Variants in ITGB3 observed in about 807,000 individuals in gnomAD.
The protein encoded by ITGB3 is integrin beta-3.
A neutral mutation model predicts 85.8 loss-of-function variants in ITGB3; 48 were observed. The observed-to-expected ratio is 0.56, with a 90% CI of 0.44 to 0.71. The LOEUF (loss-of-function observed/expected upper bound fraction) is 0.71, where lower values mean the gene tolerates loss of function less well. Ranked by LOEUF, ITGB3 falls within the 30% of genes least tolerant of loss-of-function variation. The probability of loss-of-function intolerance (pLI) is 0.00; values close to 1 mark genes in which losing one functional copy is unlikely to be tolerated. For missense variants in ITGB3, 861 were observed against 1,019.1 expected (o/e 0.84, Z 2.11); for synonymous variants, 363 against 395.6 (o/e 0.92, Z 0.98).
chr17:47,310,373 G>GGGGTCTGTGTGTTTATGTGT lies in ITGB3; in HGVS notation c.*171_*190dup. 1 of 703,070 alleles carries GGGGTCTGTGTGTTTATGTGT rather than the reference G, an allele frequency of 1.4e-6. No individual in the cohort carries two copies. Among genetic ancestry groups the GGGGTCTGTGTGTTTATGTGT allele is most frequent in the Non-Finnish European group, 2.6e-6 (1 of 387,470 alleles). 43.6% of individuals were successfully genotyped at this position (703,070 alleles called of 1,614,324 possible). On this transcript the variant is annotated 3_prime_UTR_variant, in exon 15 of 15. Coordinates refer to ENST00000559488, the MANE Select transcript of ITGB3 (RefSeq NM_000212.3). ...GTGTGGGTCTGTGTGTGTGTATGTG[G>GGGGTCTGTGTGTTTATGTGT]GGGTCTGTGTGTTTATGTGTGTGTG...
At chr17:47,254,837 T>C (rs1401503050) in intron 1 of ITGB3, among the ~76,000 whole-genome samples, 1 of 152,226 alleles carries the variant, frequency 6.6e-6, no homozygotes, top group Non-Finnish European at 1.5e-5. Flanking sequence ...AGAGAAACCC[T>C]GGCTCCTGGT....
chr17:47,295,441 T>G (rs188019005), intron 10 of ITGB3, among the ~76,000 whole-genome samples: 1 of 152,240 alleles, frequency 6.6e-6, no homozygotes, highest in East Asian at 1.9e-4. Flanking sequence ...ACTTTACTCC[T>G]CTGACTTTCC....
chr17:47,303,623 T>C (rs1598700722), intron 13 of ITGB3: 1 of 152,324 alleles, frequency 6.6e-6, no homozygotes, highest in African/African-American at 2.4e-5. Context: ...AGGGATAGGT[T>C]TGAGGCACTA....
At chr17:47,266,468 T>G (rs1399161150) in intron 1 of ITGB3, among the ~76,000 whole-genome samples, 3 of 152,198 alleles carry the variant, frequency 2.0e-5, no homozygotes. Flanking sequence ...TTTCCCACCC[T>G]TTGTCTCTCT....
intron 1 of ITGB3, among the ~76,000 whole-genome samples, chr17:47,270,508 T>C (rs541411520): frequency 3.9e-5 from 6 of 152,334 alleles, no homozygotes; most frequent in African/African-American, 1.4e-4. Flanking sequence ...TTGGGTTGCA[T>C]TGTTCGTTGT....
chr17:47,257,146 T>G (rs1371663338), intron 1 of ITGB3, among the ~76,000 whole-genome samples: 4 of 152,268 alleles, frequency 2.6e-5, no homozygotes, highest in Non-Finnish European at 5.9e-5. Context: ...TTGTCATTAT[T>G]CTTCCTATCC....
At chr17:47,273,077 A>G (rs60203207) in intron 1 of ITGB3, among the ~76,000 whole-genome samples, 506 of 152,226 alleles carry the variant, frequency 3.3e-3, no homozygotes, top group African/African-American at 0.012. Context: ...GCCTGGCCAT[A>G]ATTTTTCTTT....
intron 2 of ITGB3, chr17:47,280,126 C>T (rs917103079): frequency 6.6e-6 from 1 of 152,208 alleles, no homozygotes. Context: ...TTTCCATCGC[C>T]GAGGCTGGTT....
intron 1 of ITGB3, among the ~76,000 whole-genome samples, chr17:47,262,900 A>G (rs16941768): frequency 0.039 from 5,872 of 152,284 alleles, 195 homozygotes; most frequent in Admixed American, 0.098. Flanking sequence ...TATGTCATTT[A>G]ATCCTAACAA....
rs370002541 is a variant in ITGB3, at chr17:47,310,246, G to A, written c.*42G>A. On this transcript the variant is annotated 3_prime_UTR_variant, in exon 15 of 15. Coordinates refer to ENST00000559488, the MANE Select transcript of ITGB3 (RefSeq NM_000212.3). Reference sequence around the variant, plus strand: ...TCAGATCATTATCAGCCTGTGCCACGATTGCAGGAGTCCCTGCCATCATGT... The same window carrying A: ...TCAGATCATTATCAGCCTGTGCCACAATTGCAGGAGTCCCTGCCATCATGT... 4 of 1,552,536 alleles carry A rather than the reference G, an allele frequency of 2.6e-6. No homozygotes were observed. The highest frequency in any genetic ancestry group is 2.2e-5 in the East Asian group (1 of 44,596).
At chr17:47,298,871 C>T (rs955615318) in intron 10 of ITGB3, among the ~76,000 whole-genome samples, 7 of 152,208 alleles carry the variant, frequency 4.6e-5, no homozygotes, top group African/African-American at 1.7e-4. Flanking sequence ...GTCAAGGCTA[C>T]TGAGTGCCCT....
chr17:47,302,775 T>A lies in ITGB3; in HGVS notation c.2069T>A (p.Val690Asp). 1 of 1,614,078 alleles carries A rather than the reference T, an allele frequency of 6.2e-7. No individual in the cohort carries two copies. Among genetic ancestry groups the A allele is most frequent in the Non-Finnish European group, 8.5e-7 (1 of 1,179,912 alleles). The change falls in exon 13 of 15, where the codon GTC becomes GAC. Residue 690 changes from valine to aspartate, a missense_variant. Val to Asp is a radical substitution (Grantham distance 152). Coordinates refer to ENST00000559488, the MANE Select transcript of ITGB3 (RefSeq NM_000212.3). ...ACCTATAAGAATGAGGATGACTGTG[T>A]CGTCAGATTCCAGTACTATGAAGAT... ...NCTYKNEDDC[V>D]VRFQYYEDSS... is the part of the protein sequence containing the mutation.
intron 8 of ITGB3, among the ~76,000 whole-genome samples, chr17:47,290,657 C>T (rs1452496750): frequency 1.3e-5 from 2 of 152,068 alleles, no homozygotes; most frequent in Non-Finnish European, 2.9e-5. Context: ...TCCAAGGTGA[C>T]CAGTATTGGC....
Position 47,310,916 on chromosome 17 carries a change from C to T in ITGB3, c.*712C>T, listed in dbSNP as rs1038291776. The T allele has an allele frequency of 1.3e-5, 2 of 157,134 alleles. No individual in the cohort carries two copies. The highest frequency in any genetic ancestry group is 4.8e-5 in the African/African-American group (2 of 41,476). The allele number at this position is 157,134 out of a possible 1,614,324, so 9.7% of individuals were successfully genotyped here. A position where few individuals can be genotyped will look rare whatever the true frequency, so the allele number is the denominator to read the frequency against. On this transcript the variant is annotated 3_prime_UTR_variant, in exon 15 of 15. Coordinates refer to ENST00000559488, the MANE Select transcript of ITGB3 (RefSeq NM_000212.3). ...ATGTCTGGGCCACTCAGGGGTCATT[C>T]ATGGCCTGGGGGATGTACCAGCATC...
chr17:47,289,164 C>T (rs961454476), intron 6 of ITGB3, among the ~76,000 whole-genome samples: 1 of 152,182 alleles, frequency 6.6e-6, no homozygotes, highest in African/African-American at 2.4e-5. Flanking sequence ...GAGGCCTAAC[C>T]CAGTCCCTTG....
chr17:47,265,478 T>C (rs2065022125), intron 1 of ITGB3, among the ~76,000 whole-genome samples: 1 of 152,186 alleles, frequency 6.6e-6, no homozygotes, highest in South Asian at 2.1e-4. Context: ...TGTTCCTTAG[T>C]TTCTGGCTGT....
chr17:47,265,956 T>C (rs1194709419), intron 1 of ITGB3, among the ~76,000 whole-genome samples: 2 of 152,242 alleles, frequency 1.3e-5, no homozygotes, highest in Non-Finnish European at 2.9e-5. Context: ...TCCACCTCCC[T>C]GTCTCCTTCT....
chr17:47,288,450 A>T (rs1344077060), intron 6 of ITGB3, among the ~76,000 whole-genome samples: 1 of 152,230 alleles, frequency 6.6e-6, no homozygotes, highest in Admixed American at 6.5e-5. Context: ...TATAAGCCAT[A>T]AGAGAAATGT....
At chr17:47,291,187 GA>G (rs776717284) in intron 9 of ITGB3, 99 bp downstream of exon 9, 47 of 1,396,490 alleles carry the variant, frequency 3.4e-5, no homozygotes, top group Non-Finnish European at 4.0e-5. Context: ...CCTTCCACCA[GA>G]AAAAAAATAT....
Sources: allele counts gnomAD v4.1 joint callset (sites outside exome capture counted in the v4.1 genomes callset), GRCh38; gene constraint gnomAD v4.1.1; transcripts MANE v1.5; gene names NCBI Gene and HGNC (gene_info 2026-07-23, HGNC 2026-07-21).